FRMD4A: variants seen among roughly 807,000 people sequenced by gnomAD.
FRMD4A encodes the protein FERM domain-containing protein 4A.
Under a neutral mutation model 129.1 loss-of-function variants are expected in FRMD4A, and 29 were observed. That is an observed-to-expected ratio of 0.22 (90% CI 0.17 to 0.31). FRMD4A has a LOEUF of 0.31. FRMD4A is among the 10% of genes least tolerant of loss of function. The pLI is 1.00. For missense variants in FRMD4A, 1,272 were observed against 1,375.8 expected (o/e 0.92, Z 1.19); for synonymous variants, 634 against 571.6 (o/e 1.11, Z -1.56).
At chr10:14,294,526 A>C (rs1028990719) in intron 2 of FRMD4A, among the ~76,000 whole-genome samples, 4 of 152,318 alleles carry the variant, frequency 2.6e-5, no homozygotes, top group East Asian at 3.9e-4. Context: ...TGCTCTCTTC[A>C]TGTGTAGTGT....
In FRMD4A at chr10:13,917,971, A is replaced by G. The variant is rs539604837; in HGVS notation, c.46-59059T>C. 2.0e-5 allele frequency among the ~76,000 whole-genome samples: 3 copies of G among 152,286 alleles called. No individual in the cohort carries two copies. In the East Asian group the frequency reaches 5.8e-4, roughly 29 times the overall value. ...TGGGCAAGCGCACTGTCAACTGTAA[A>G]TCACTCTACAAAAAGTGATCACTAT... On this transcript the variant is annotated intron_variant, in intron 2 of 24. Transcript: ENST00000357447.
At chr10:14,265,542 A>T (rs1362507661) in intron 2 of FRMD4A, among the ~76,000 whole-genome samples, 1 of 152,238 alleles carries the variant, frequency 6.6e-6, no homozygotes, top group African/African-American at 2.4e-5. Context: ...CACAATTTGT[A>T]GAGGTTAGAA....
At chr10:13,895,737 C>T (rs1329296266) in intron 2 of FRMD4A, among the ~76,000 whole-genome samples, 2 of 152,156 alleles carry the variant, frequency 1.3e-5, no homozygotes, top group African/African-American at 4.8e-5. Context: ...AGACAACCTA[C>T]AGAATGGGAG....
At chr10:14,192,918 C>T (rs1237207932) in intron 2 of FRMD4A, among the ~76,000 whole-genome samples, 1 of 152,210 alleles carries the variant, frequency 6.6e-6, no homozygotes, top group Non-Finnish European at 1.5e-5. Flanking sequence ...CTGCTGTGTA[C>T]ATAGCAATAT....
intron 2 of FRMD4A, among the ~76,000 whole-genome samples, chr10:13,861,308 T>A (rs2094291712): frequency 6.6e-6 from 1 of 152,218 alleles, no homozygotes; most frequent in Non-Finnish European, 1.5e-5. Context: ...CAACAGGGAT[T>A]ATTCACTTAT....
At chr10:14,014,103 G>A (rs942612417) in intron 2 of FRMD4A, among the ~76,000 whole-genome samples, 21 of 152,102 alleles carry the variant, frequency 1.4e-4, no homozygotes, top group African/African-American at 4.8e-4. Context: ...AGGATTTGGA[G>A]GTGGAGACAC....
intron 2 of FRMD4A, among the ~76,000 whole-genome samples, chr10:14,047,455 T>C (rs918716036): frequency 1.3e-5 from 2 of 152,154 alleles, no homozygotes; most frequent in African/African-American, 4.8e-5. Context: ...TTTTCAGTCA[T>C]TTAAGAGGCC....
chr10:14,290,287 A>G (rs1845810883), intron 2 of FRMD4A, among the ~76,000 whole-genome samples: 1 of 152,158 alleles, frequency 6.6e-6, no homozygotes, highest in African/African-American at 2.4e-5. Context: ...TTGAGAAAGA[A>G]GAACAAAACT....
chr10:13,839,589 G>A (rs1412949091), intron 3 of FRMD4A, among the ~76,000 whole-genome samples: 2 of 152,178 alleles, frequency 1.3e-5, no homozygotes, highest in Non-Finnish European at 2.9e-5. Context: ...CTTTCAGCTT[G>A]TACAACACTG....
intron 2 of FRMD4A, among the ~76,000 whole-genome samples, chr10:14,100,114 G>T (rs1305326661): frequency 6.6e-6 from 1 of 152,190 alleles, no homozygotes. Context: ...CCCAGTTGTG[G>T]TGCCTGGCTG....
chr10:14,259,582 G>A (rs1217622676), intron 2 of FRMD4A, among the ~76,000 whole-genome samples: 1 of 151,756 alleles, frequency 6.6e-6, no homozygotes, highest in Non-Finnish European at 1.5e-5. Flanking sequence ...TGAAATCTGG[G>A]GCTATTTTAA....
intron 2 of FRMD4A, among the ~76,000 whole-genome samples, chr10:14,238,834 T>C (rs893779839): frequency 2.0e-5 from 3 of 152,168 alleles, no homozygotes; most frequent in Non-Finnish European, 2.9e-5. Flanking sequence ...GCTTCCAACT[T>C]CATCCATGTC....
chr10:13,863,292 T>C (rs1308077231), intron 2 of FRMD4A, among the ~76,000 whole-genome samples: 4 of 152,216 alleles, frequency 2.6e-5, no homozygotes, highest in Non-Finnish European at 4.4e-5. Flanking sequence ...ATCACTGATA[T>C]GTATCCTGGC....
At chr10:13,867,744 A>G (rs2094389793) in intron 2 of FRMD4A, among the ~76,000 whole-genome samples, 1 of 125,954 alleles carries the variant, frequency 7.9e-6, no homozygotes, top group Non-Finnish European at 1.6e-5. Context: ...ATAACATATA[A>G]TATAATATAT....
chr10:14,150,601 G>C (rs1840292901), intron 2 of FRMD4A, among the ~76,000 whole-genome samples: 1 of 152,032 alleles, frequency 6.6e-6, no homozygotes, highest in Non-Finnish European at 1.5e-5. Context: ...ACTCAGAATG[G>C]AGTATTTTCT....
At chr10:14,101,087 C>A (rs889220685) in intron 2 of FRMD4A, among the ~76,000 whole-genome samples, 7 of 152,186 alleles carry the variant, frequency 4.6e-5, no homozygotes, top group East Asian at 1.9e-4. Context: ...ACCAAAACGG[C>A]TCTGTGTTAT....
At chr10:13,925,356 A>G (rs1201172032) in intron 2 of FRMD4A, among the ~76,000 whole-genome samples, 4 of 152,126 alleles carry the variant, frequency 2.6e-5, no homozygotes, top group African/African-American at 9.7e-5. Flanking sequence ...AAGTATTTGT[A>G]TATTTACTTT....
chr10:14,235,023 G>T (rs1843755310), intron 2 of FRMD4A, among the ~76,000 whole-genome samples: 3 of 152,066 alleles, frequency 2.0e-5, no homozygotes, highest in African/African-American at 4.8e-5. Flanking sequence ...ATATAGGTAC[G>T]TGCAGAGGTG....
At chr10:14,062,400 C>G (rs17154547) in intron 2 of FRMD4A, among the ~76,000 whole-genome samples, 1 of 151,962 alleles carries the variant, frequency 6.6e-6, no homozygotes, top group Non-Finnish European at 1.5e-5. Flanking sequence ...CAGCCATGGA[C>G]GTGTAGAAAG....
Sources: allele counts gnomAD v4.1 joint callset (sites outside exome capture counted in the v4.1 genomes callset), GRCh38; gene constraint gnomAD v4.1.1; transcripts MANE v1.5; gene names NCBI Gene and HGNC (gene_info 2026-07-23, HGNC 2026-07-21).